Variants in DYM observed in about 807,000 individuals in gnomAD.
The protein encoded by DYM is dymeclin.
A neutral mutation model predicts 93.1 loss-of-function variants in DYM; 78 were observed. That is an observed-to-expected ratio of 0.84 (90% CI 0.70 to 1.01). DYM has a LOEUF of 1.01. Among genes scored for constraint, DYM ranks in the 50% least tolerant of loss-of-function variants. The probability of loss-of-function intolerance (pLI) is 0.00; values close to 1 mark genes in which losing one functional copy is unlikely to be tolerated. For missense variants in DYM, 789 were observed against 845.0 expected, an observed-to-expected ratio of 0.93 and a Z score of 0.82; for synonymous variants, 321 against 319.7, an observed-to-expected ratio of 1.00 and a Z score of -0.04.
intron 2 of DYM, among the ~76,000 whole-genome samples, chr18:49,425,589 C>T (rs1397765594): frequency 3.3e-5 from 5 of 152,040 alleles, no homozygotes; most frequent in African/African-American, 1.2e-4. Context: ...AAAGAAACTA[C>T]CATCAGAGTG....
intron 9 of DYM, among the ~76,000 whole-genome samples, chr18:49,285,352 T>A (rs575350690): frequency 3.2e-4 from 48 of 152,278 alleles, no homozygotes; most frequent in African/African-American, 1.1e-3. Context: ...AATGCTCCCA[T>A]CCAATCACTG....
In DYM at chr18:49,036,671, C is replaced by G. The variant is rs554569723; in HGVS notation, c.*7384G>C. On this transcript the variant is annotated 3_prime_UTR_variant, in exon 18 of 18. Coordinates refer to ENST00000675505, the MANE Select transcript of DYM (RefSeq NM_001353214.3). ...GGCTCAGGTAATCCTCCTACCTTAGCCTCTCCAGTAGCTGGGACTACAGGC... is the reference window on the plus strand; with the variant it reads ...GGCTCAGGTAATCCTCCTACCTTAGGCTCTCCAGTAGCTGGGACTACAGGC... Among the ~76,000 whole-genome samples, 2 of 152,196 alleles carry G rather than the reference C, an allele frequency of 1.3e-5. No individual in the cohort carries two copies. The highest frequency in any genetic ancestry group is 3.9e-4 in the East Asian group (2 of 5,166).
At chr18:49,348,806 G>A (rs979129148) in intron 6 of DYM, among the ~76,000 whole-genome samples, 1 of 151,576 alleles carries the variant, frequency 6.6e-6, no homozygotes, top group African/African-American at 2.4e-5. Flanking sequence ...CTACTCGGGA[G>A]GCTGAGGCAG....
chr18:49,330,570 A>T (rs541779552), intron 8 of DYM, among the ~76,000 whole-genome samples: 75 of 152,316 alleles, frequency 4.9e-4, no homozygotes, highest in Non-Finnish European at 9.4e-4. Flanking sequence ...TTACTTTTTT[A>T]AAAAACTGCC....
intron 17 of DYM, among the ~76,000 whole-genome samples, chr18:49,051,720 T>G (rs191943820): frequency 6.6e-6 from 1 of 152,248 alleles, no homozygotes; most frequent in Admixed American, 6.5e-5. Flanking sequence ...TGAGCTGCTC[T>G]GTGGCCTGGG....
At chr18:49,372,615 G>T (rs969053025) in intron 5 of DYM, among the ~76,000 whole-genome samples, 1 of 152,054 alleles carries the variant, frequency 6.6e-6, no homozygotes, top group Non-Finnish European at 1.5e-5. Flanking sequence ...CATGGTGGCA[G>T]GCACCTGTAA....
At chr18:49,284,818 T>A (rs1481080194) in intron 9 of DYM, among the ~76,000 whole-genome samples, 1 of 152,164 alleles carries the variant, frequency 6.6e-6, no homozygotes, top group Non-Finnish European at 1.5e-5. Flanking sequence ...TGTAAAATTG[T>A]TATTAATTCC....
intron 2 of DYM, among the ~76,000 whole-genome samples, chr18:49,414,781 C>T (rs1160110869): frequency 6.6e-6 from 1 of 152,172 alleles, no homozygotes; most frequent in Non-Finnish European, 1.5e-5. Flanking sequence ...CCTCACTCCG[C>T]TTCGCTTTTC....
intron 13 of DYM, among the ~76,000 whole-genome samples, chr18:49,228,217 C>T (rs2093595526): frequency 6.6e-6 from 1 of 152,132 alleles, no homozygotes; most frequent in African/African-American, 2.4e-5. Flanking sequence ...ATTCAATGAT[C>T]CACAAGTCAT....
chr18:49,389,083 C>T (rs950575426), intron 3 of DYM, among the ~76,000 whole-genome samples: 1 of 151,912 alleles, frequency 6.6e-6, no homozygotes, highest in African/African-American at 2.4e-5. Context: ...TGCGTGTAAA[C>T]AAAATATAAA....
chr18:49,038,686 C>T lies in DYM; in HGVS notation c.*5369G>A, dbSNP rs1037358496. Among the ~76,000 whole-genome samples, 9 of 152,150 alleles carry T rather than the reference C, an allele frequency of 5.9e-5. No homozygotes were observed. Among genetic ancestry groups the T allele is most frequent in the Admixed American group, 5.2e-4 (8 of 15,274 alleles). ...ATATCTTGCTTTCTATTTGTTCCAC[C>T]TGTTCTGCTTTTTCTTCTTTCTTAG... On this transcript the variant is annotated 3_prime_UTR_variant, in exon 18 of 18. Coordinates refer to ENST00000675505, the MANE Select transcript of DYM (RefSeq NM_001353214.3).
At chr18:49,450,959 A>G (rs1396937670) in intron 1 of DYM, among the ~76,000 whole-genome samples, 1 of 152,224 alleles carries the variant, frequency 6.6e-6, no homozygotes, top group African/African-American at 2.4e-5. Flanking sequence ...TGAAGATTGT[A>G]ACATTGGAAG....
At chr18:49,440,009 C>CAAAT (rs1262878600) in intron 1 of DYM, among the ~76,000 whole-genome samples, 1 of 122,988 alleles carries the variant, frequency 8.1e-6, no homozygotes, top group Non-Finnish European at 1.7e-5. Context: ...GACTCTGTCA[C>CAAAT]CAATAAATAA....
At chr18:49,303,755 TAAAG>T (rs2061094967) in intron 8 of DYM, among the ~76,000 whole-genome samples, 1 of 152,248 alleles carries the variant, frequency 6.6e-6, no homozygotes, top group South Asian at 2.1e-4. Flanking sequence ...ATGAATGGCA[TAAAG>T]TATGTATCTT....
At chr18:49,347,998 A>G (rs1483910064) in intron 6 of DYM, among the ~76,000 whole-genome samples, 3 of 152,146 alleles carry the variant, frequency 2.0e-5, no homozygotes, top group Non-Finnish European at 2.9e-5. Flanking sequence ...AGAACAAACC[A>G]CTGCTGGAGC....
At chr18:49,276,503 C>T (rs140231279) in intron 10 of DYM, among the ~76,000 whole-genome samples, 15 of 151,914 alleles carry the variant, frequency 9.9e-5, no homozygotes, top group African/African-American at 3.6e-4. Context: ...TGAAAAACTA[C>T]TAGGAGTTAT....
intron 17 of DYM, among the ~76,000 whole-genome samples, chr18:49,064,150 T>C (rs956174228): frequency 6.6e-6 from 1 of 152,246 alleles, no homozygotes; most frequent in Non-Finnish European, 1.5e-5. Context: ...TAAACCTATA[T>C]AGAATCCTAC....
intron 5 of DYM, among the ~76,000 whole-genome samples, chr18:49,377,565 A>G (rs7504840): frequency 0.59 from 88,904 of 151,862 alleles, 26,648 homozygotes; most frequent in Non-Finnish European, 0.66. Flanking sequence ...ATCTCAAAAA[A>G]AATAAAAATA....
intron 1 of DYM, among the ~76,000 whole-genome samples, chr18:49,430,937 C>T (rs544606426): frequency 1.4e-4 from 21 of 150,472 alleles, no homozygotes; most frequent in Non-Finnish European, 2.2e-4. Context: ...CCAATACAAA[C>T]ACAAAAATCC....
Sources: allele counts gnomAD v4.1 joint callset (sites outside exome capture counted in the v4.1 genomes callset), GRCh38; gene constraint gnomAD v4.1.1; transcripts MANE v1.5; gene names NCBI Gene and HGNC (gene_info 2026-07-23, HGNC 2026-07-21).